NFIA: variants seen among roughly 807,000 people sequenced by gnomAD.
NFIA encodes nuclear factor I A, also known as nuclear factor 1 A-type.
In NFIA, 8 loss-of-function variants were observed where a neutral mutation model predicts 62.8. The observed-to-expected ratio is 0.13, with a 90% CI of 0.07 to 0.23. The LOEUF is 0.23. Among genes scored for constraint, NFIA ranks in the 10% least tolerant of loss-of-function variants. The probability of loss-of-function intolerance (pLI) is 1.00; values close to 1 mark genes in which losing one functional copy is unlikely to be tolerated. For missense variants in NFIA, 410 were observed against 642.1 expected (o/e 0.64, Z 3.91); for synonymous variants, 235 against 238.1 (o/e 0.99, Z 0.12).
At chr1:61,106,259 C>T (rs1646598464) in intron 2 of NFIA, among the ~76,000 whole-genome samples, 1 of 151,738 alleles carries the variant, frequency 6.6e-6, no homozygotes, top group South Asian at 2.1e-4. Flanking sequence ...TTAGCCCCTT[C>T]TCAAGAATGG....
chr1:61,184,250 C>T (rs1485106254), intron 2 of NFIA, among the ~76,000 whole-genome samples: 1 of 152,132 alleles, frequency 6.6e-6, no homozygotes, highest in Non-Finnish European at 1.5e-5. Context: ...TTTTAAGGAG[C>T]CAGTGAAGGG....
At chr1:61,392,990 A>G (rs374460836) in intron 7 of NFIA, among the ~76,000 whole-genome samples, 1 of 152,078 alleles carries the variant, frequency 6.6e-6, no homozygotes, top group Non-Finnish European at 1.5e-5. Flanking sequence ...CCACGTATCC[A>G]TACATAGTGA....
intron 2 of NFIA, among the ~76,000 whole-genome samples, chr1:61,090,461 G>T (rs1043861125): frequency 1.3e-5 from 2 of 152,016 alleles, no homozygotes; most frequent in Admixed American, 6.6e-5. Flanking sequence ...CTAAGTTTTC[G>T]TCTTAAACAT....
chr1:61,325,695 G>A (rs1432794256), intron 3 of NFIA, among the ~76,000 whole-genome samples: 3 of 152,058 alleles, frequency 2.0e-5, no homozygotes, highest in Admixed American at 6.5e-5. Context: ...AAGGCAGGCG[G>A]ATCATGAGGT....
intron 3 of NFIA, among the ~76,000 whole-genome samples, chr1:61,322,774 A>G (rs1162067439): frequency 6.6e-6 from 1 of 152,228 alleles, no homozygotes; most frequent in African/African-American, 2.4e-5. Context: ...TAAATACATT[A>G]CTGAAAATCT....
At chr1:61,300,647 A>G (rs1232895236) in intron 3 of NFIA, among the ~76,000 whole-genome samples, 1 of 151,936 alleles carries the variant, frequency 6.6e-6, no homozygotes, top group Non-Finnish European at 1.5e-5. Flanking sequence ...ATATACACAT[A>G]TATATATGTA....
intron 5 of NFIA, among the ~76,000 whole-genome samples, chr1:61,357,973 C>T (rs778156060): frequency 6.6e-6 from 1 of 152,138 alleles, no homozygotes; most frequent in African/African-American, 2.4e-5. Flanking sequence ...CATTTCACTA[C>T]GTTTTCACTC....
intron 2 of NFIA, among the ~76,000 whole-genome samples, chr1:61,167,273 T>C (rs551077941): frequency 1.3e-5 from 2 of 152,320 alleles, no homozygotes; most frequent in Admixed American, 6.5e-5. Flanking sequence ...AGTGTACTCA[T>C]GTATGATCGT....
intron 2 of NFIA, among the ~76,000 whole-genome samples, chr1:61,167,464 C>T (rs1429549539): frequency 1.3e-5 from 2 of 152,064 alleles, no homozygotes; most frequent in African/African-American, 2.4e-5. Flanking sequence ...TTATTAAGGT[C>T]ATATTACTGT....
At chr1:61,325,645 G>T (rs780368687) in intron 3 of NFIA, among the ~76,000 whole-genome samples, 1 of 152,188 alleles carries the variant, frequency 6.6e-6, no homozygotes, top group African/African-American at 2.4e-5. Flanking sequence ...AAGGCTAGGC[G>T]TGGTGGCTCA....
chr1:61,443,616 A>G (rs1477253994), intron 10 of NFIA, among the ~76,000 whole-genome samples: 1 of 152,216 alleles, frequency 6.6e-6, no homozygotes, highest in Non-Finnish European at 1.5e-5. Context: ...TCCAGTATGA[A>G]AAGATGCTAT....
intron 9 of NFIA, among the ~76,000 whole-genome samples, chr1:61,419,777 T>C (rs889160903): frequency 6.6e-6 from 1 of 152,228 alleles, no homozygotes; most frequent in African/African-American, 2.4e-5. Flanking sequence ...GCATACACGT[T>C]AAGCATTGCT....
chr1:61,281,544 C>T (rs1471281555), intron 3 of NFIA, among the ~76,000 whole-genome samples: 1 of 152,138 alleles, frequency 6.6e-6, no homozygotes, highest in African/African-American at 2.4e-5. Context: ...TCCCAAATCC[C>T]CACAATCCCC....
intron 2 of NFIA, among the ~76,000 whole-genome samples, chr1:61,105,546 T>C (rs527586819): frequency 6.6e-6 from 1 of 152,060 alleles, no homozygotes; most frequent in Admixed American, 6.6e-5. Context: ...CTTTTTCTTG[T>C]TTGATGTTGC....
intron 2 of NFIA, among the ~76,000 whole-genome samples, chr1:61,131,277 A>G (rs1647068813): frequency 6.6e-6 from 1 of 151,494 alleles, no homozygotes; most frequent in African/African-American, 2.4e-5. Flanking sequence ...ATGTGATGTT[A>G]TCATTCTAAT....
At chr1:61,393,986 TCA>T (rs1265688361) in intron 7 of NFIA, among the ~76,000 whole-genome samples, 1 of 152,232 alleles carries the variant, frequency 6.6e-6, no homozygotes, top group Non-Finnish European at 1.5e-5. Flanking sequence ...AGATTACTTT[TCA>T]TGTATCTCTA....
intron 6 of NFIA, among the ~76,000 whole-genome samples, chr1:61,377,427 A>G (rs1191621041): frequency 6.6e-6 from 1 of 152,118 alleles, no homozygotes; most frequent in African/African-American, 2.4e-5. Context: ...GTTGCCTTTA[A>G]GCCTTTAAGT....
At chr1:61,424,122 G>T (rs561832564) in intron 9 of NFIA, among the ~76,000 whole-genome samples, 3 of 152,258 alleles carry the variant, frequency 2.0e-5, no homozygotes, top group Admixed American at 2.0e-4. Flanking sequence ...CTTCTGGGAT[G>T]TTCTGAAACT....
At chr1:61,271,176 A>G (rs955642934) in intron 2 of NFIA, among the ~76,000 whole-genome samples, 2 of 152,220 alleles carry the variant, frequency 1.3e-5, no homozygotes, top group African/African-American at 4.8e-5. Flanking sequence ...CCTCACTGTC[A>G]TAACACAACA....
Sources: gnomAD v4.1 joint callset for allele counts (sites outside exome capture counted in the v4.1 genomes callset) on GRCh38, gnomAD v4.1.1 for gene constraint, MANE v1.5 for transcripts, NCBI Gene and HGNC (gene_info 2026-07-23, HGNC 2026-07-21) for gene names.